Variants in LOC128125817 observed in about 807,000 individuals in gnomAD.
At chr1:41,627,964 C>T in the LOC128125817 span, among the ~76,000 whole-genome samples, 3 of 151,228 alleles carry the variant, frequency 2.0e-5, no homozygotes, top group South Asian at 6.3e-4. Flanking sequence ...GATTCTGGCT[C>T]TCCACACCAG....
At chr1:41,610,877 G>A in the LOC128125817 span, among the ~76,000 whole-genome samples, 1 of 152,170 alleles carries the variant, frequency 6.6e-6, no homozygotes, top group Non-Finnish European at 1.5e-5. Flanking sequence ...ATCATCCTCA[G>A]CCTTCTTAAA....
chr1:41,619,010 C>A, the LOC128125817 span, among the ~76,000 whole-genome samples: 1 of 152,136 alleles, frequency 6.6e-6, no homozygotes, highest in African/African-American at 2.4e-5. Context: ...CGGGCTGCTG[C>A]CCCCGCCCCC....
chr1:41,590,841 G>A, the LOC128125817 span, among the ~76,000 whole-genome samples: 197 of 152,244 alleles, frequency 1.3e-3, no homozygotes, highest in African/African-American at 4.5e-3. Context: ...CATGCATGCG[G>A]CAACACAGCA....
At chr1:41,591,729 G>A in the LOC128125817 span, among the ~76,000 whole-genome samples, 8 of 151,866 alleles carry the variant, frequency 5.3e-5, no homozygotes, top group Non-Finnish European at 1.0e-4. Context: ...ATGGCAGAGC[G>A]GCTCTGTCTT....
At chr1:41,605,610 A>G in the LOC128125817 span, among the ~76,000 whole-genome samples, 1 of 152,006 alleles carries the variant, frequency 6.6e-6, no homozygotes, top group African/African-American at 2.4e-5. Context: ...TTCCCAGTAC[A>G]GGTTGGGAGA....
the LOC128125817 span, among the ~76,000 whole-genome samples, chr1:41,585,534 T>C: frequency 1.3e-5 from 2 of 152,036 alleles, no homozygotes; most frequent in African/African-American, 4.8e-5. Flanking sequence ...CATGTCAGTG[T>C]TGGGTGACCT....
chr1:41,601,781 A>T, the LOC128125817 span, among the ~76,000 whole-genome samples: 2 of 152,186 alleles, frequency 1.3e-5, no homozygotes, highest in African/African-American at 4.8e-5. Context: ...CTTGAATAGA[A>T]ATGGCAAGCA....
chr1:41,605,824 G>C, the LOC128125817 span, among the ~76,000 whole-genome samples: 4 of 152,096 alleles, frequency 2.6e-5, no homozygotes, highest in Non-Finnish European at 5.9e-5. Flanking sequence ...TAGTAGTGGG[G>C]GGTGGGGCTG....
At chr1:41,605,289 A>G in the LOC128125817 span, among the ~76,000 whole-genome samples, 1 of 151,638 alleles carries the variant, frequency 6.6e-6, no homozygotes, top group East Asian at 1.9e-4. Context: ...ATTTACTCCG[A>G]AGGGGCATGA....
chr1:41,590,968 T>A, the LOC128125817 span, among the ~76,000 whole-genome samples: 1 of 152,184 alleles, frequency 6.6e-6, no homozygotes, highest in African/African-American at 2.4e-5. Flanking sequence ...AGTCTCCCCA[T>A]CTGTAAAAAG....
chr1:41,597,150 C>T, the LOC128125817 span, among the ~76,000 whole-genome samples: 5 of 152,008 alleles, frequency 3.3e-5, no homozygotes, highest in East Asian at 1.9e-4. Flanking sequence ...CAAATTCTAT[C>T]GAAAGCAAAC....
At chr1:41,617,804 A>G in the LOC128125817 span, among the ~76,000 whole-genome samples, 1 of 152,222 alleles carries the variant, frequency 6.6e-6, no homozygotes, top group Non-Finnish European at 1.5e-5. Context: ...CTACTCCCAC[A>G]TCATAAGAAA....
the LOC128125817 span, among the ~76,000 whole-genome samples, chr1:41,621,803 C>G: frequency 1.3e-5 from 2 of 152,192 alleles, no homozygotes; most frequent in African/African-American, 2.4e-5. Context: ...CAGGCCTAAG[C>G]CCCCAGGCCT....
At chr1:41,598,976 C>T in the LOC128125817 span, among the ~76,000 whole-genome samples, 2 of 152,040 alleles carry the variant, frequency 1.3e-5, no homozygotes, top group African/African-American at 2.4e-5. Flanking sequence ...CCACCATGCT[C>T]GGCTAATTTT....
chr1:41,628,815 A>C, the LOC128125817 span: 1 of 1,231,868 alleles, frequency 8.1e-7, no homozygotes, highest in Non-Finnish European at 1.0e-6. Flanking sequence ...GCCAGCATTC[A>C]TGTCCACTCC....
the LOC128125817 span, among the ~76,000 whole-genome samples, chr1:41,608,934 A>AT: frequency 6.6e-6 from 1 of 151,604 alleles, no homozygotes; most frequent in Non-Finnish European, 1.5e-5. Context: ...AAAAAAAAAA[A>AT]ATAGCCAGGT....
At chr1:41,606,616 T>A in the LOC128125817 span, among the ~76,000 whole-genome samples, 1 of 151,988 alleles carries the variant, frequency 6.6e-6, no homozygotes, top group African/African-American at 2.4e-5. Flanking sequence ...CCTCATTTAA[T>A]AATTATTTTG....
At chr1:41,589,422 G>A in the LOC128125817 span, among the ~76,000 whole-genome samples, 1 of 152,240 alleles carries the variant, frequency 6.6e-6, no homozygotes, top group African/African-American at 2.4e-5. Flanking sequence ...ACTTGCTGGG[G>A]TTGGAGCCAC....
chr1:41,618,878 T>C, the LOC128125817 span, among the ~76,000 whole-genome samples: 1 of 152,236 alleles, frequency 6.6e-6, no homozygotes, highest in Non-Finnish European at 1.5e-5. Flanking sequence ...CAGCAAATCA[T>C]GTTGGCTTGA....
Sources: allele counts gnomAD v4.1 joint callset (sites outside exome capture counted in the v4.1 genomes callset), GRCh38; gene constraint gnomAD v4.1.1; transcripts MANE v1.5.